Variants in FSTL5 observed in about 807,000 individuals in gnomAD.
FSTL5 encodes the protein follistatin like 5.
A neutral mutation model predicts 89.1 loss-of-function variants in FSTL5; 62 were observed. That is an observed-to-expected ratio of 0.70 (90% confidence interval 0.57 to 0.86). The LOEUF is 0.86. Among genes scored for constraint, FSTL5 ranks in the 40% least tolerant of loss-of-function variants. The pLI, the probability that FSTL5 is intolerant of heterozygous loss-of-function variation, is 0.00. For synonymous variants in FSTL5, 383 were observed against 346.2 expected (o/e 1.11, Z -1.18); for missense variants, 1,057 against 1,001.6 (o/e 1.06, Z -0.75).
At chr4:161,406,252 T>C (rs1731370447) in intron 15 of FSTL5, among the ~76,000 whole-genome samples, 1 of 150,294 alleles carries the variant, frequency 6.7e-6, no homozygotes, top group African/African-American at 2.4e-5. Flanking sequence ...ATTTTCAAAC[T>C]TCCTTTTGAT....
chr4:161,440,171 C>G (rs1049289654), intron 15 of FSTL5, among the ~76,000 whole-genome samples: 1 of 152,072 alleles, frequency 6.6e-6, no homozygotes, highest in Non-Finnish European at 1.5e-5. Flanking sequence ...CCACAAAAGG[C>G]ACTAAAAGTG....
chr4:161,442,074 C>G lies in FSTL5; in HGVS notation c.1841+12930G>C, dbSNP rs1403602197. On this transcript the variant is annotated intron_variant, in intron 15 of 15. Coordinates refer to ENST00000306100, the MANE Select transcript of FSTL5 (RefSeq NM_020116.5). ...AACTAGGGACTTTCAATGGGATAGA[C>G]CAAAAAGGTCACTAAATAATTGTAA... is the stretch of plus-strand genomic sequence containing the variant. Among the ~76,000 whole-genome samples, 4 of 151,694 alleles carry G rather than the reference C, an allele frequency of 2.6e-5. No homozygotes were observed. In the East Asian group the frequency reaches 7.7e-4, roughly 29 times the overall value.
chr4:162,109,223 G>A (rs1036495857), intron 2 of FSTL5, among the ~76,000 whole-genome samples: 1 of 152,018 alleles, frequency 6.6e-6, no homozygotes, highest in Admixed American at 6.6e-5. Context: ...TCTTCAAGGT[G>A]TCAGAGAAAA....
At chr4:162,021,422 A>C (rs989313492) in intron 3 of FSTL5, among the ~76,000 whole-genome samples, 15 of 152,214 alleles carry the variant, frequency 9.9e-5, no homozygotes, top group African/African-American at 3.4e-4. Context: ...ATGTAAAATT[A>C]TACCTCCTTC....
chr4:161,785,036 TTTA>T (rs1741847503), intron 4 of FSTL5, among the ~76,000 whole-genome samples: 1 of 152,240 alleles, frequency 6.6e-6, no homozygotes, highest in Non-Finnish European at 1.5e-5. Context: ...TTTTAACTCA[TTTA>T]ATCTTTATAA....
At chr4:161,686,757 A>G (rs1038712221) in intron 6 of FSTL5, among the ~76,000 whole-genome samples, 6 of 151,944 alleles carry the variant, frequency 3.9e-5, no homozygotes, top group South Asian at 2.1e-4. Flanking sequence ...TCTCATTTCC[A>G]TCTCTATCAG....
intron 7 of FSTL5, among the ~76,000 whole-genome samples, chr4:161,593,847 C>G (rs1351648896): frequency 6.6e-6 from 1 of 152,014 alleles, no homozygotes; most frequent in Non-Finnish European, 1.5e-5. Flanking sequence ...ACTACTGATA[C>G]AAACTCCATA....
At chr4:161,457,341 A>G (rs987827851) in intron 14 of FSTL5, among the ~76,000 whole-genome samples, 2 of 151,742 alleles carry the variant, frequency 1.3e-5, no homozygotes, top group Non-Finnish European at 2.9e-5. Flanking sequence ...TTTACCTTCC[A>G]CTCCCACCTG....
chr4:162,088,049 G>A (rs10517760), intron 2 of FSTL5, among the ~76,000 whole-genome samples: 4,292 of 152,080 alleles, frequency 0.028, 149 homozygotes, highest in East Asian at 0.086. Flanking sequence ...TTCAAGACAT[G>A]AGTAGCACTT....
chr4:161,900,281 G>A (rs578146018), intron 4 of FSTL5, among the ~76,000 whole-genome samples: 1 of 152,238 alleles, frequency 6.6e-6, no homozygotes, highest in Non-Finnish European at 1.5e-5. Flanking sequence ...CACCACTGGA[G>A]CAGAAAAACT....
At chr4:161,619,804 A>G (rs955962181) in intron 7 of FSTL5, among the ~76,000 whole-genome samples, 13 of 152,164 alleles carry the variant, frequency 8.5e-5, no homozygotes, top group African/African-American at 3.1e-4. Context: ...ACCTAGAACT[A>G]GAAATACCAC....
At chr4:161,672,610 T>C (rs1390256534) in intron 6 of FSTL5, among the ~76,000 whole-genome samples, 3 of 151,590 alleles carry the variant, frequency 2.0e-5, no homozygotes, top group Middle Eastern at 3.5e-3. Flanking sequence ...ATATATAGAA[T>C]TGAAGAAAAA....
intron 15 of FSTL5, among the ~76,000 whole-genome samples, chr4:161,389,397 G>T (rs1402071505): frequency 6.6e-6 from 1 of 152,100 alleles, no homozygotes; most frequent in Non-Finnish European, 1.5e-5. Flanking sequence ...GTCAACTTTG[G>T]TGAAAAGAGT....
intron 4 of FSTL5, among the ~76,000 whole-genome samples, chr4:161,905,167 T>C (rs1327435550): frequency 6.6e-6 from 1 of 152,060 alleles, no homozygotes; most frequent in Non-Finnish European, 1.5e-5. Flanking sequence ...AAATTCTCAT[T>C]TTGTTAAATA....
At chr4:161,957,767 G>C (rs780674864) in intron 3 of FSTL5, among the ~76,000 whole-genome samples, 1 of 152,026 alleles carries the variant, frequency 6.6e-6, no homozygotes, top group Non-Finnish European at 1.5e-5. Context: ...CATACTTAAA[G>C]TATACAATTT....
chr4:161,854,760 T>C (rs1007573160), intron 4 of FSTL5, among the ~76,000 whole-genome samples: 14 of 149,204 alleles, frequency 9.4e-5, no homozygotes, highest in Non-Finnish European at 1.8e-4. Context: ...TAAACTATGA[T>C]ACACAAAATT....
intron 4 of FSTL5, among the ~76,000 whole-genome samples, chr4:161,906,934 T>G (rs1247347507): frequency 6.6e-6 from 1 of 152,120 alleles, no homozygotes; most frequent in African/African-American, 2.4e-5. Context: ...GTAACAAATT[T>G]ATACGGAGGT....
At chr4:161,662,661 C>G (rs752422982) in intron 6 of FSTL5, among the ~76,000 whole-genome samples, 3 of 151,844 alleles carry the variant, frequency 2.0e-5, no homozygotes, top group Non-Finnish European at 4.4e-5. Context: ...AATGAGAAAA[C>G]AGAAAAAAAT....
At chr4:161,989,207 T>C (rs771634736) in intron 3 of FSTL5, among the ~76,000 whole-genome samples, 1 of 152,060 alleles carries the variant, frequency 6.6e-6, no homozygotes, top group Non-Finnish European at 1.5e-5. Context: ...TCTCAGGAGA[T>C]CCAAGGCAAG....
Sources: allele counts gnomAD v4.1 joint callset (sites outside exome capture counted in the v4.1 genomes callset), GRCh38; gene constraint gnomAD v4.1.1; transcripts MANE v1.5; gene names NCBI Gene and HGNC (gene_info 2026-07-23, HGNC 2026-07-21).